The following CACNA1A variants were observed in gnomAD, a reference collection of about 807,000 sequenced individuals.
CACNA1A encodes the protein calcium voltage-gated channel subunit alpha1 A.
In CACNA1A, 57 loss-of-function variants were observed where a neutral mutation model predicts 262.4. The observed-to-expected ratio is 0.22, with a 90% CI of 0.18 to 0.27. CACNA1A has a LOEUF of 0.27. Among genes scored for constraint, CACNA1A ranks in the 10% least tolerant of loss-of-function variants. The pLI is 1.00. For synonymous variants in CACNA1A, 1,431 were observed against 1,419.3 expected, an observed-to-expected ratio of 1.01 and a Z score of -0.18; for missense variants, 2,526 against 3,562.8, an observed-to-expected ratio of 0.71 and a Z score of 7.41.
chr19:13,325,032 TTCC>T (rs1440244063), intron 10 of CACNA1A, among the ~76,000 whole-genome samples: 2 of 134,768 alleles, frequency 1.5e-5, no homozygotes, highest in South Asian at 5.1e-4. Flanking sequence ...CGTCTTCTTC[TTCC>T]TCTTCTTCTT....
At chr19:13,385,527 CTTCTT>C (rs1359552563) in intron 3 of CACNA1A, among the ~76,000 whole-genome samples, 1 of 151,914 alleles carries the variant, frequency 6.6e-6, no homozygotes, top group African/African-American at 2.4e-5. Flanking sequence ...TGCGCCCGGC[CTTCTT>C]TTCTTTTTTA....
intron 22 of CACNA1A, among the ~76,000 whole-genome samples, chr19:13,280,940 C>CAAAAAAA (rs59445149): frequency 1.2e-4 from 10 of 82,364 alleles, no homozygotes; most frequent in African/African-American, 4.1e-4. Context: ...GACTCCATCT[C>CAAAAAAA]AAAAAAAAAA....
intron 24 of CACNA1A, among the ~76,000 whole-genome samples, chr19:13,268,028 G>A (rs55969070): frequency 0.43 from 65,251 of 151,702 alleles, 14,922 homozygotes; most frequent in South Asian, 0.69. Context: ...CTCCCAGAGC[G>A]CTGGGATTAC....
intron 3 of CACNA1A, among the ~76,000 whole-genome samples, chr19:13,372,928 G>C (rs1007434973): frequency 7.9e-5 from 12 of 152,178 alleles, no homozygotes. Context: ...GCAAGACCCT[G>C]TCATGAGACC....
chr19:13,252,564 AT>A (rs2056430826), intron 30 of CACNA1A: 2 of 152,168 alleles, frequency 1.3e-5, no homozygotes. Context: ...CTAATTTTGT[AT>A]TTTTAGTAGA....
intron 1 of CACNA1A, among the ~76,000 whole-genome samples, chr19:13,488,890 G>C (rs1980385340): frequency 6.6e-6 from 1 of 151,632 alleles, no homozygotes; most frequent in African/African-American, 2.4e-5. Context: ...GGATGCTCTA[G>C]ATCTGCACTA....
intron 38 of CACNA1A, among the ~76,000 whole-genome samples, chr19:13,216,038 C>A (rs571932587): frequency 6.6e-6 from 1 of 152,284 alleles, no homozygotes; most frequent in Admixed American, 6.5e-5. Flanking sequence ...CCCACCTCAG[C>A]CTCCCAAAGT....
chr19:13,480,364 T>A (rs963066802), intron 1 of CACNA1A, among the ~76,000 whole-genome samples: 6 of 152,340 alleles, frequency 3.9e-5, no homozygotes, highest in Admixed American at 3.9e-4. Flanking sequence ...TATTTTCTCT[T>A]CCTTATGATT....
Position 13,361,312 on chromosome 19 carries a change from G to A in CACNA1A, c.785-1513C>T, listed in dbSNP as rs115728979. The stretch of plus-strand genomic sequence containing the variant: ...CTGGAAACCAAAGACAGCTTCCTGG[G>A]GAGGTGGCAGTCAGGCTGAACGCTA... On this transcript the variant is annotated intron_variant, in intron 5 of 46. Coordinates refer to ENST00000360228, the MANE Select transcript of CACNA1A (RefSeq NM_001127222.2). 4.1e-3 allele frequency among the ~76,000 whole-genome samples: 625 copies of A among 152,264 alleles called. 7 individuals are homozygous for A. Among genetic ancestry groups the A allele is most frequent in the African/African-American group, 0.014 (599 of 41,558 alleles).
rs185448940 is a variant in CACNA1A at position 13,219,751 on chromosome 19, G to A, written c.5731+4916C>T. ...GGGCAGATCACGAGGTTGGGAGATC[G>A]AGACCATCCTGCTATCATGGTGAAA... is the stretch of plus-strand genomic sequence containing the variant. On this transcript the variant is annotated intron_variant, in intron 38 of 46. Transcript: ENST00000360228. Among the ~76,000 whole-genome samples, 536 of 151,342 alleles carry A rather than the reference G, an allele frequency of 3.5e-3. 2 individuals carry two copies. Among genetic ancestry groups the A allele is most frequent in the Admixed American group, 5.3e-3 (80 of 15,154 alleles).
At chr19:13,322,584 G>T (rs1296211704) in intron 10 of CACNA1A, among the ~76,000 whole-genome samples, 1 of 145,248 alleles carries the variant, frequency 6.9e-6, no homozygotes, top group Non-Finnish European at 1.5e-5. Context: ...GCCAGCACTT[G>T]TTATGATTTG....
chr19:13,470,345 C>G (rs1022785969), intron 1 of CACNA1A, among the ~76,000 whole-genome samples: 2 of 152,106 alleles, frequency 1.3e-5, no homozygotes, highest in Non-Finnish European at 2.9e-5. Flanking sequence ...AGAGGATCAC[C>G]AAAGACCCCC....
At chr19:13,363,931 C>T (rs1027577675) in intron 5 of CACNA1A, 1 of 152,236 alleles carries the variant, frequency 6.6e-6, no homozygotes, top group Admixed American at 6.5e-5. Context: ...CTTTAGAGAG[C>T]AAGCAGCTAG....
Position 13,261,566 on chromosome 19 carries a change from G to A in CACNA1A, c.4134C>T (p.Asn1378=), listed in dbSNP as rs1280159904. 5 of 1,608,860 alleles carry A rather than the reference G, an allele frequency of 3.1e-6. No individual in the cohort carries two copies. The South Asian group carries it at 5.6e-5, about 18-fold the overall frequency. ...CVVNSLKNVF[N]ILIVYMLFMF... Reference sequence around the variant, plus strand: ...TGAATAGCATGTAGACGATGAGGATGTTGAAGACGTTTTTAAGTGAGTTCA... The same window carrying A: ...TGAATAGCATGTAGACGATGAGGATATTGAAGACGTTTTTAAGTGAGTTCA... Residue 1378 remains asparagine (N), a synonymous_variant, in exon 26 of 47, where the codon AAC becomes AAT. Transcript: ENST00000360228.
At chr19:13,344,741 T>TTTAC (rs2058733175) in intron 6 of CACNA1A, among the ~76,000 whole-genome samples, 1 of 47,242 alleles carries the variant, frequency 2.1e-5, no homozygotes, top group African/African-American at 6.8e-5. Flanking sequence ...ATTTATTTTA[T>TTTAC]TTATTTATTT....
intron 3 of CACNA1A, among the ~76,000 whole-genome samples, chr19:13,447,829 C>T (rs1006981015): frequency 6.6e-6 from 1 of 152,156 alleles, no homozygotes; most frequent in African/African-American, 2.4e-5. Context: ...CTACTCTTTC[C>T]AACTTCTTCT....
chr19:13,432,805 A>G lies in CACNA1A; in HGVS notation c.539+20071T>C, dbSNP rs530398335. Among the ~76,000 whole-genome samples, 10 of 152,318 alleles carry G rather than the reference A, an allele frequency of 6.6e-5. No homozygotes were observed. In the South Asian group the frequency reaches 2.1e-3, roughly 32 times the overall value. ...GCTTGATTTAATCATTCAAAAATGT[A>G]AACATATATCAGAACATCCCATTGT... On this transcript the variant is annotated intron_variant, in intron 3 of 46. Transcript: ENST00000360228.
At chr19:13,228,201 C>T (rs1343040245) in intron 36 of CACNA1A, among the ~76,000 whole-genome samples, 4 of 152,062 alleles carry the variant, frequency 2.6e-5, no homozygotes, top group African/African-American at 9.7e-5. Flanking sequence ...AGCCACTGCG[C>T]CCGGCCATCA....
At chr19:13,235,341 G>A (rs1000912798) in intron 32 of CACNA1A, 67 bp from the exon 33 acceptor site, 4 of 1,428,972 alleles carry the variant, frequency 2.8e-6, no homozygotes, top group African/African-American at 1.4e-5. Context: ...TTCCTCCCTT[G>A]TCCCAGTGCT....
Sources: allele counts gnomAD v4.1 joint callset (sites outside exome capture counted in the v4.1 genomes callset), GRCh38; gene constraint gnomAD v4.1.1; transcripts MANE v1.5; gene names NCBI Gene and HGNC (gene_info 2026-07-23, HGNC 2026-07-21).